The following PTPRC variants were observed in gnomAD, a reference collection of about 807,000 sequenced individuals.
The protein encoded by PTPRC is receptor-type tyrosine-protein phosphatase C.
Under a neutral mutation model 155.9 loss-of-function variants are expected in PTPRC, and 44 were observed. The observed-to-expected ratio is 0.28, with a 90% CI of 0.22 to 0.36. The LOEUF is 0.36. Among genes scored for constraint, PTPRC ranks in the 10% least tolerant of loss-of-function variants. PTPRC has a pLI of 1.00. For synonymous variants in PTPRC, 525 were observed against 533.1 expected, an observed-to-expected ratio of 0.98 and a Z score of 0.21; for missense variants, 1,401 against 1,564.6, an observed-to-expected ratio of 0.90 and a Z score of 1.76.
chr1:198,754,706 C>T (rs1241518803), intron 32 of PTPRC, among the ~76,000 whole-genome samples: 2 of 151,988 alleles, frequency 1.3e-5, no homozygotes, highest in South Asian at 2.1e-4. Context: ...ACTCCTGTAT[C>T]GATTTGTGTT....
chr1:198,728,260 A>G, intron 15 of PTPRC, 80 bp from the exon 16 acceptor site: 1 of 1,049,816 alleles, frequency 9.5e-7, no homozygotes, highest in Non-Finnish European at 1.4e-6. Context: ...TAAAATATAA[A>G]TACTTTGGAG....
intron 11 of PTPRC, 114 bp downstream of exon 11, chr1:198,709,938 G>T: frequency 1.4e-6 from 2 of 1,389,044 alleles, no homozygotes; most frequent in Non-Finnish European, 2.0e-6. Context: ...TACTTTTTAA[G>T]CATATGCTTT....
intron 23 of PTPRC, among the ~76,000 whole-genome samples, chr1:198,739,377 A>C (rs188187262): frequency 5.7e-4 from 87 of 151,954 alleles, no homozygotes; most frequent in African/African-American, 2.0e-3. Context: ...AAAATAAGAG[A>C]TGGAAAATTA....
chr1:198,680,499 G>T (rs890942163), intron 2 of PTPRC, among the ~76,000 whole-genome samples: 3 of 151,830 alleles, frequency 2.0e-5, no homozygotes, highest in Non-Finnish European at 2.9e-5. Context: ...AACTGAAGAG[G>T]AATGATGTAA....
chr1:198,703,140 A>T (rs1164658464), intron 6 of PTPRC, among the ~76,000 whole-genome samples, 158 bp from the exon 7 acceptor site: 1 of 152,226 alleles, frequency 6.6e-6, no homozygotes, highest in Non-Finnish European at 1.5e-5. Flanking sequence ...TAAATCTTTG[A>T]TTCACTTTAT....
chr1:198,732,669 C>T (rs1654450218), intron 20 of PTPRC, 113 bp downstream of exon 20: 5 of 813,536 alleles, frequency 6.1e-6, no homozygotes, highest in Non-Finnish European at 9.9e-6. Context: ...GCCCATATGT[C>T]ACTGATATAA....
intron 5 of PTPRC, 122 bp from the exon 6 acceptor site, chr1:198,702,265 A>G: frequency 7.9e-7 from 1 of 1,259,072 alleles, no homozygotes. Context: ...GTGGTATAGC[A>G]GAAGTGCTTG....
intron 2 of PTPRC, among the ~76,000 whole-genome samples, chr1:198,685,678 A>G (rs566453091): frequency 6.6e-6 from 1 of 152,160 alleles, no homozygotes; most frequent in East Asian, 1.9e-4. Context: ...ATTATCATGC[A>G]TTGCTAAGAA....
intron 7 of PTPRC, 46 bp downstream of exon 7, chr1:198,703,418 G>C: frequency 6.2e-7 from 1 of 1,608,110 alleles, no homozygotes; most frequent in East Asian, 2.2e-5. Context: ...CCATGTGCCT[G>C]GTGATGTGCT....
At chr1:198,707,826 G>T (rs1473090385) in intron 9 of PTPRC, among the ~76,000 whole-genome samples, 1 of 152,134 alleles carries the variant, frequency 6.6e-6, no homozygotes, top group African/African-American at 2.4e-5. Context: ...AATGGAATGA[G>T]TGTTTTTTAA....
chr1:198,750,411 A>T (rs770041546), intron 28 of PTPRC, 81 bp from the exon 29 acceptor site: 1 of 1,433,420 alleles, frequency 7.0e-7, no homozygotes, highest in Non-Finnish European at 9.8e-7. Context: ...CAAACTGACT[A>T]TATTTCCAAA....
Position 198,742,262 on chromosome 1 carries a change from C to A in PTPRC, c.2592C>A (p.Ile864=). Reference sequence around the variant, plus strand: ...GTGTTGGGCGCACAGGAACCTATATCGGAATTGATGCCATGCTAGAAGGCC... The same window carrying A: ...GTGTTGGGCGCACAGGAACCTATATAGGAATTGATGCCATGCTAGAAGGCC... The part of the protein sequence containing the change: ...SAGVGRTGTY[I]GIDAMLEGLE... The change falls in exon 25 of 33, where the codon ATC becomes ATA. Residue 864 remains isoleucine, a synonymous_variant. Coordinates refer to ENST00000442510, the MANE Select transcript of PTPRC (RefSeq NM_002838.5). The A allele has an allele frequency of 6.2e-7, 1 of 1,612,092 alleles. No homozygotes were observed. Among genetic ancestry groups the A allele is most frequent in the Non-Finnish European group, 8.5e-7 (1 of 1,178,878 alleles).
At position 198,718,193 on chromosome 1, in the gene PTPRC, G is replaced by A. The variant is rs764913234; in HGVS notation, c.1550G>A (p.Arg517His). The part of the protein sequence containing the change: ...PPRDRNGPHE[R>H]YHLEVEAGNT... ...AGGGACCGTAATGGCCCCCATGAAC[G>A]TTACCATTTGGAAGTTGAAGCTGGA... The change falls in exon 14 of 33, where the codon CGT becomes CAT. Residue 517 changes from arginine to histidine, a missense_variant. By Grantham distance (29) the Arg-to-His change is conservative (BLOSUM62 0). Coordinates refer to ENST00000442510, the MANE Select transcript of PTPRC (RefSeq NM_002838.5). 30 of 1,613,738 alleles carry A rather than the reference G, an allele frequency of 1.9e-5. No individual in the cohort carries two copies. Among genetic ancestry groups the A allele is most frequent in the South Asian group, 1.5e-4 (14 of 91,068 alleles).
intron 8 of PTPRC, among the ~76,000 whole-genome samples, chr1:198,705,094 C>T (rs1008497086): frequency 7.9e-5 from 12 of 151,936 alleles, no homozygotes; most frequent in African/African-American, 2.9e-4. Context: ...TGGCTCAAAG[C>T]AGATACTTGA....
At chr1:198,654,025 T>C (rs1663401850) in intron 2 of PTPRC, among the ~76,000 whole-genome samples, 1 of 151,838 alleles carries the variant, frequency 6.6e-6, no homozygotes, top group Non-Finnish European at 1.5e-5. Flanking sequence ...AATAACTCCC[T>C]CTTACAGATA....
intron 11 of PTPRC, among the ~76,000 whole-genome samples, chr1:198,711,051 C>T (rs1653273826): frequency 6.6e-6 from 1 of 151,976 alleles, no homozygotes; most frequent in East Asian, 1.9e-4. Flanking sequence ...AGATCAATCT[C>T]CTGACCTCAT....
At chr1:198,687,506 C>G (rs912496023) in intron 2 of PTPRC, among the ~76,000 whole-genome samples, 3 of 151,822 alleles carry the variant, frequency 2.0e-5, no homozygotes, top group Admixed American at 2.0e-4. Flanking sequence ...AGTTAAGTAC[C>G]TTCACCTACT....
chr1:198,686,658 T>C (rs769831731), intron 2 of PTPRC, among the ~76,000 whole-genome samples: 36 of 152,234 alleles, frequency 2.4e-4, no homozygotes, highest in Non-Finnish European at 4.3e-4. Flanking sequence ...ACTTTCCCAG[T>C]ATTGTTCATA....
chr1:198,729,539 G>A (rs779639389), intron 17 of PTPRC, among the ~76,000 whole-genome samples: 11 of 152,056 alleles, frequency 7.2e-5, no homozygotes, highest in East Asian at 1.9e-4. Flanking sequence ...CATTGCGCCC[G>A]TCCCCATTCA....
Sources: allele counts gnomAD v4.1 joint callset (sites outside exome capture counted in the v4.1 genomes callset), GRCh38; gene constraint gnomAD v4.1.1; transcripts MANE v1.5; gene names NCBI Gene and HGNC (gene_info 2026-07-23, HGNC 2026-07-21).